PPM1H: variants seen among roughly 807,000 people sequenced by gnomAD.
PPM1H encodes protein phosphatase 1H.
PPM1H carries 27 observed loss-of-function variants against 54.9 expected under a neutral mutation model. The observed-to-expected ratio is 0.49, with a 90% confidence interval of 0.36 to 0.68. The LOEUF (loss-of-function observed/expected upper bound fraction) is 0.68. Ranked by LOEUF, PPM1H falls within the 30% of genes least tolerant of loss-of-function variation. PPM1H has a pLI of 0.00. For missense variants in PPM1H, 596 were observed against 667.8 expected (o/e 0.89, Z 1.19); for synonymous variants, 305 against 270.8 (o/e 1.13, Z -1.24).
At chr12:62,788,951 C>T (rs2076688978) in intron 3 of PPM1H, among the ~76,000 whole-genome samples, 1 of 152,142 alleles carries the variant, frequency 6.6e-6, no homozygotes, top group African/African-American at 2.4e-5. Flanking sequence ...GTCTCGAACT[C>T]CTGTGCTGAA....
intron 2 of PPM1H, among the ~76,000 whole-genome samples, chr12:62,823,659 C>G (rs1015076110): frequency 6.6e-6 from 1 of 152,188 alleles, no homozygotes. Flanking sequence ...ACATGATTAT[C>G]TCAATAGATG....
intron 1 of PPM1H, among the ~76,000 whole-genome samples, chr12:62,875,693 C>T (rs1186828612): frequency 1.3e-5 from 2 of 152,086 alleles, no homozygotes; most frequent in African/African-American, 4.8e-5. Context: ...TAAGGCAGAA[C>T]GAAAGTCCAA....
At chr12:62,840,837 A>C (rs1868718444) in intron 1 of PPM1H, among the ~76,000 whole-genome samples, 1 of 152,226 alleles carries the variant, frequency 6.6e-6, no homozygotes, top group African/African-American at 2.4e-5. Flanking sequence ...GATCACAGTT[A>C]CTTTAGAAAA....
At chr12:62,743,983 T>C (rs951826772) in intron 4 of PPM1H, among the ~76,000 whole-genome samples, 1 of 152,056 alleles carries the variant, frequency 6.6e-6, no homozygotes, top group Non-Finnish European at 1.5e-5. Flanking sequence ...TATCCAATGG[T>C]TCAGTCATTC....
intron 4 of PPM1H, among the ~76,000 whole-genome samples, chr12:62,771,317 C>T (rs1592591149): frequency 6.6e-6 from 1 of 151,564 alleles, no homozygotes. Flanking sequence ...CACACACACA[C>T]ACACACACAC....
In PPM1H at chr12:62,843,320, A is replaced by C. The variant is rs7133556; in HGVS notation, c.246-11041T>G. 1.7e-3 allele frequency among the ~76,000 whole-genome samples: 263 copies of C among 152,234 alleles called. 2 individuals carry two copies. The highest frequency in any genetic ancestry group is 5.9e-3 in the African/African-American group (243 of 41,474). The stretch of plus-strand genomic sequence containing the variant: ...CAACAGAGGGAGAATCTGTCTCAAA[A>C]AAACAAACAAACAAACAAACAAAAA... On this transcript the variant is annotated intron_variant, in intron 1 of 9. Coordinates refer to ENST00000228705, the MANE Select transcript of PPM1H (RefSeq NM_020700.2).
chr12:62,750,588 G>A (rs1249277538), intron 4 of PPM1H, among the ~76,000 whole-genome samples: 1 of 152,146 alleles, frequency 6.6e-6, no homozygotes, highest in South Asian at 2.1e-4. Flanking sequence ...TTGTGTACAA[G>A]TTTTTGTGTA....
intron 2 of PPM1H, among the ~76,000 whole-genome samples, chr12:62,810,017 G>A (rs2120773809): frequency 6.6e-6 from 1 of 152,148 alleles, no homozygotes; most frequent in South Asian, 2.1e-4. Flanking sequence ...CTGTACACCA[G>A]TATGCATCAG....
At chr12:62,931,998 A>G (rs1872151311) in intron 1 of PPM1H, among the ~76,000 whole-genome samples, 2 of 152,102 alleles carry the variant, frequency 1.3e-5, no homozygotes, top group Admixed American at 1.3e-4. Context: ...GGGCATCCAA[A>G]GAAGTCTGAA....
chr12:62,681,911 G>A (rs2076020879), intron 8 of PPM1H, among the ~76,000 whole-genome samples: 1 of 152,186 alleles, frequency 6.6e-6, no homozygotes, highest in Admixed American at 6.5e-5. Context: ...CAGGTTTTTT[G>A]TTAAGTACTT....
At chr12:62,705,399 C>T (rs184590949) in intron 6 of PPM1H, among the ~76,000 whole-genome samples, 1 of 152,254 alleles carries the variant, frequency 6.6e-6, no homozygotes, top group Admixed American at 6.5e-5. Context: ...CTAGTAGGTG[C>T]CGGGCACTGG....
At chr12:62,827,867 T>C (rs2120841115) in intron 2 of PPM1H, among the ~76,000 whole-genome samples, 1 of 152,272 alleles carries the variant, frequency 6.6e-6, no homozygotes, top group Non-Finnish European at 1.5e-5. Context: ...CCCTACAACC[T>C]GGGCTTTTCA....
At chr12:62,712,416 G>C (rs2076212471) in intron 6 of PPM1H, among the ~76,000 whole-genome samples, 1 of 152,150 alleles carries the variant, frequency 6.6e-6, no homozygotes, top group Admixed American at 6.5e-5. Flanking sequence ...CTGCTTTCTT[G>C]TGAAGTAATT....
chr12:62,785,377 C>A (rs2076664973), intron 4 of PPM1H, among the ~76,000 whole-genome samples: 2 of 152,204 alleles, frequency 1.3e-5, no homozygotes, highest in Non-Finnish European at 2.9e-5. Flanking sequence ...TGGGGTTTCA[C>A]CATATTGTCC....
intron 1 of PPM1H, among the ~76,000 whole-genome samples, chr12:62,880,424 G>A (rs536874019): frequency 3.9e-5 from 6 of 152,212 alleles, no homozygotes; most frequent in South Asian, 4.2e-4. Context: ...AGACTAGATC[G>A]GGGGGCTTCC....
At chr12:62,933,164 G>A (rs1872202921) in intron 1 of PPM1H, among the ~76,000 whole-genome samples, 1 of 152,058 alleles carries the variant, frequency 6.6e-6, no homozygotes, top group African/African-American at 2.4e-5. Context: ...CCATCAAAGC[G>A]CATTTCTGCC....
intron 1 of PPM1H, among the ~76,000 whole-genome samples, chr12:62,878,150 G>A (rs910570600): frequency 3.3e-5 from 5 of 152,188 alleles, no homozygotes; most frequent in South Asian, 2.1e-4. Flanking sequence ...CACCCACCTC[G>A]GCCTCCCAAA....
At chr12:62,871,636 T>A (rs1395416426) in intron 1 of PPM1H, among the ~76,000 whole-genome samples, 1 of 150,524 alleles carries the variant, frequency 6.6e-6, no homozygotes, top group Non-Finnish European at 1.5e-5. Flanking sequence ...CATCTCAGCC[T>A]CCCAAGTAGC....
At chr12:62,802,403 C>T (rs1365149720) in intron 2 of PPM1H, among the ~76,000 whole-genome samples, 1 of 152,146 alleles carries the variant, frequency 6.6e-6, no homozygotes, top group Non-Finnish European at 1.5e-5. Context: ...ATGAAGCGGT[C>T]TCTGCCTCCC....
Sources: gnomAD v4.1 joint callset for allele counts (sites outside exome capture counted in the v4.1 genomes callset) on GRCh38, gnomAD v4.1.1 for gene constraint, MANE v1.5 for transcripts, NCBI Gene and HGNC (gene_info 2026-07-23, HGNC 2026-07-21) for gene names.